Variants in DRC5 observed in about 807,000 individuals in gnomAD.
DRC5 encodes T-complex-associated testis-expressed protein 1.
the DRC5 span, among the ~76,000 whole-genome samples, chr6:44,281,036 T>C: frequency 1.2e-4 from 19 of 152,178 alleles, no homozygotes; most frequent in Non-Finnish European, 2.6e-4. Flanking sequence ...TGTGTGTGTG[T>C]GTGCGCGCAT....
At chr6:44,287,729 T>C in the DRC5 span, 2 of 1,614,120 alleles carry the variant, frequency 1.2e-6, no homozygotes, top group Non-Finnish European at 8.5e-7. Context: ...TGTGGGCTTG[T>C]GCTTGAAGTG....
the DRC5 span, among the ~76,000 whole-genome samples, chr6:44,286,977 C>G: frequency 6.6e-6 from 1 of 152,198 alleles, no homozygotes; most frequent in Non-Finnish European, 1.5e-5. Flanking sequence ...AGTAAGCAAA[C>G]AGGGCTCTCC....
chr6:44,280,172 C>A, the DRC5 span: 10 of 1,611,594 alleles, frequency 6.2e-6, no homozygotes, highest in Admixed American at 1.3e-4. Flanking sequence ...TGATCCAAGT[C>A]AGGTCATTTT....
At chr6:44,279,798 T>A in the DRC5 span, 1 of 169,288 alleles carries the variant, frequency 5.9e-6, no homozygotes. Context: ...TGTGTGTGTT[T>A]GAAGATCAAG....
At chr6:44,288,993 C>CAAA in the DRC5 span, among the ~76,000 whole-genome samples, 1,036 of 32,668 alleles carry the variant, frequency 0.032, 204 homozygotes, top group East Asian at 0.092. Flanking sequence ...GACTCTGTCT[C>CAAA]AAAAAAAAAA....
At chr6:44,284,960 G>T in the DRC5 span, among the ~76,000 whole-genome samples, 3 of 152,194 alleles carry the variant, frequency 2.0e-5, no homozygotes, top group Admixed American at 2.0e-4. Flanking sequence ...CTTGGATGGT[G>T]TCCCAGAGCT....
the DRC5 span, among the ~76,000 whole-genome samples, chr6:44,293,962 G>A: frequency 6.6e-6 from 1 of 151,924 alleles, no homozygotes; most frequent in South Asian, 2.1e-4. Flanking sequence ...ATCATAAAAT[G>A]TATACTGACA....
the DRC5 span, among the ~76,000 whole-genome samples, chr6:44,293,883 CAT>C: frequency 6.6e-6 from 1 of 152,216 alleles, no homozygotes; most frequent in African/African-American, 2.4e-5. Context: ...TGCCTATATC[CAT>C]ATGTTAACCT....
the DRC5 span, chr6:44,286,129 G>C: frequency 6.2e-7 from 1 of 1,614,070 alleles, no homozygotes; most frequent in Non-Finnish European, 8.5e-7. Flanking sequence ...CCAGTTGGTA[G>C]TGGTCAACGG....
the DRC5 span, among the ~76,000 whole-genome samples, chr6:44,297,355 CTCT>C: frequency 6.6e-6 from 1 of 152,240 alleles, no homozygotes; most frequent in Non-Finnish European, 1.5e-5. Flanking sequence ...CACTTTCCCC[CTCT>C]TCTTCCCAGT....
the DRC5 span, among the ~76,000 whole-genome samples, chr6:44,291,002 AGCCTGCCTCT>A: frequency 6.6e-6 from 1 of 152,204 alleles, no homozygotes; most frequent in Non-Finnish European, 1.5e-5. Context: ...TTGTGCCTGC[AGCCTGCCTCT>A]GGGCATGACA....
At chr6:44,287,876 A>C in the DRC5 span, 5 of 1,575,790 alleles carry the variant, frequency 3.2e-6, no homozygotes, top group Non-Finnish European at 4.3e-6. Context: ...GCCTTATGAC[A>C]AGAAGCTTCT....
chr6:44,279,544 A>G, the DRC5 span: 1 of 151,966 alleles, frequency 6.6e-6, no homozygotes, highest in African/African-American at 2.4e-5. Flanking sequence ...GTTGTCATCT[A>G]CAGTTGCCTC....
the DRC5 span, among the ~76,000 whole-genome samples, chr6:44,281,021 C>CTG: frequency 4.2e-3 from 631 of 151,234 alleles, 3 homozygotes; most frequent in East Asian, 0.021. Flanking sequence ...CCTCTAGAAA[C>CTG]TGTGTGTGTG....
At chr6:44,295,845 C>T in the DRC5 span, among the ~76,000 whole-genome samples, 5 of 152,192 alleles carry the variant, frequency 3.3e-5, no homozygotes, top group African/African-American at 4.8e-5. Context: ...TCATCTATAA[C>T]GTGGGGACAG....
At chr6:44,293,545 G>A in the DRC5 span, among the ~76,000 whole-genome samples, 24 of 152,164 alleles carry the variant, frequency 1.6e-4, no homozygotes, top group African/African-American at 5.8e-4. Context: ...AAGAAACAAG[G>A]AAACAGGAAA....
chr6:44,283,961 G>A, the DRC5 span, among the ~76,000 whole-genome samples: 23 of 152,254 alleles, frequency 1.5e-4, no homozygotes, highest in Admixed American at 5.2e-4. Flanking sequence ...CTATGAACCC[G>A]TGCCTCTCTT....
the DRC5 span, chr6:44,282,278 A>G: frequency 6.2e-7 from 1 of 1,614,220 alleles, no homozygotes; most frequent in East Asian, 2.2e-5. Flanking sequence ...GGCCACCCTC[A>G]TCCTCGATGC....
the DRC5 span, chr6:44,287,799 T>G: frequency 6.2e-7 from 1 of 1,614,106 alleles, no homozygotes; most frequent in Non-Finnish European, 8.5e-7. Context: ...GGTCCAACAA[T>G]GCTGATGTCG....
Sources: allele counts gnomAD v4.1 joint callset (sites outside exome capture counted in the v4.1 genomes callset), GRCh38; gene constraint gnomAD v4.1.1; transcripts MANE v1.5; gene names NCBI Gene and HGNC (gene_info 2026-07-23, HGNC 2026-07-21).